GNA14: variants seen among roughly 807,000 people sequenced by gnomAD.
GNA14 encodes the protein G protein subunit alpha 14, also known as guanine nucleotide-binding protein subunit alpha-14.
A neutral mutation model predicts 42.0 loss-of-function variants in GNA14; 50 were observed. The ratio of observed to expected loss-of-function variants is 1.19; its 90% CI spans 0.95 to 1.51. GNA14 has a LOEUF of 1.51. Among genes scored for constraint, GNA14 ranks in the 40% most tolerant of loss-of-function variants. The pLI is 0.00. For missense variants in GNA14, 473 were observed against 446.2 expected (o/e 1.06, Z -0.54); for synonymous variants, 173 against 163.1 (o/e 1.06, Z -0.46).
At chr9:77,545,863 A>C (rs1411291307) in intron 1 of GNA14, among the ~76,000 whole-genome samples, 2 of 152,298 alleles carry the variant, frequency 1.3e-5, no homozygotes, top group South Asian at 2.1e-4. Flanking sequence ...AGTTCCCTGC[A>C]ATCAGCAACT....
At chr9:77,511,645 C>A (rs922400099) in intron 2 of GNA14, among the ~76,000 whole-genome samples, 2 of 152,138 alleles carry the variant, frequency 1.3e-5, no homozygotes, top group African/African-American at 4.8e-5. Context: ...CAAGTGGGCA[C>A]AGACCACACG....
At chr9:77,581,573 G>C (rs976959809) in intron 1 of GNA14, among the ~76,000 whole-genome samples, 3 of 152,204 alleles carry the variant, frequency 2.0e-5, no homozygotes, top group African/African-American at 7.2e-5. Flanking sequence ...CCGGACATAA[G>C]GGAGGTCAAC....
intron 2 of GNA14, among the ~76,000 whole-genome samples, chr9:77,510,331 T>C (rs1837140387): frequency 6.6e-6 from 1 of 152,142 alleles, no homozygotes; most frequent in Admixed American, 6.6e-5. Context: ...TATATGGACG[T>C]TGCACACTTT....
intron 1 of GNA14, among the ~76,000 whole-genome samples, chr9:77,547,931 G>C (rs1837739988): frequency 6.6e-6 from 1 of 152,174 alleles, no homozygotes; most frequent in Admixed American, 6.5e-5. Context: ...GATACCTGCG[G>C]AAATGGAGAG....
intron 1 of GNA14, among the ~76,000 whole-genome samples, chr9:77,546,401 CTT>C (rs1449891649): frequency 1.3e-5 from 2 of 152,004 alleles, no homozygotes; most frequent in Non-Finnish European, 2.9e-5. Context: ...GCCTACTCAA[CTT>C]TTTGAGTTCT....
intron 2 of GNA14, among the ~76,000 whole-genome samples, chr9:77,474,621 AT>A (rs1836387746): frequency 6.6e-6 from 1 of 152,206 alleles, no homozygotes; most frequent in African/African-American, 2.4e-5. Context: ...TAATTACTAA[AT>A]GGCCCAGCAG....
In GNA14 at chr9:77,617,542, G is replaced by A. The variant is rs2117961476; in HGVS notation, c.124+30128C>T. On this transcript the variant is annotated intron_variant, in intron 1 of 6. Coordinates refer to ENST00000341700, the MANE Select transcript of GNA14 (RefSeq NM_004297.4). ...CTGGACATTCCATAACATCTCAACTGGTCTTCCTGCCTCCACCATTACCAC... is the reference window on the plus strand; with the variant it reads ...CTGGACATTCCATAACATCTCAACTAGTCTTCCTGCCTCCACCATTACCAC... Among the ~76,000 whole-genome samples the A allele has an allele frequency of 2.0e-5, 3 of 152,110 alleles. 1 individual carries two copies. The highest frequency in any genetic ancestry group is 7.2e-5 in the African/African-American group (3 of 41,522).
At chr9:77,596,167 C>A (rs1010501646) in intron 1 of GNA14, among the ~76,000 whole-genome samples, 4 of 151,992 alleles carry the variant, frequency 2.6e-5, no homozygotes, top group Non-Finnish European at 4.4e-5. Context: ...GCCAGTTACA[C>A]CTAAGCTCAT....
chr9:77,455,124 A>G (rs1428878854), intron 2 of GNA14, among the ~76,000 whole-genome samples: 1 of 152,152 alleles, frequency 6.6e-6, no homozygotes, highest in Non-Finnish European at 1.5e-5. Context: ...GCTCTCATCC[A>G]AGCTCATTCA....
At chr9:77,526,441 C>T (rs796707954) in intron 2 of GNA14, 5 of 150,312 alleles carry the variant, frequency 3.3e-5, no homozygotes, top group African/African-American at 1.2e-4. Context: ...TAGATGCAAG[C>T]AAGATAAGGT....
chr9:77,592,329 C>A (rs144500947), intron 1 of GNA14, among the ~76,000 whole-genome samples: 2 of 152,264 alleles, frequency 1.3e-5, no homozygotes, highest in African/African-American at 4.8e-5. Context: ...CATGTGTTAA[C>A]CCTGATGGCA....
At chr9:77,563,143 T>C (rs537094713) in intron 1 of GNA14, among the ~76,000 whole-genome samples, 1 of 152,146 alleles carries the variant, frequency 6.6e-6, no homozygotes, top group East Asian at 1.9e-4. Context: ...GCACAGCAAA[T>C]GTAAACCCAG....
At chr9:77,610,672 T>G (rs1564066054) in intron 1 of GNA14, among the ~76,000 whole-genome samples, 1 of 152,198 alleles carries the variant, frequency 6.6e-6, no homozygotes. Flanking sequence ...AATAAGCCAT[T>G]TATATATTAA....
At chr9:77,589,679 C>A (rs1823360123) in intron 1 of GNA14, among the ~76,000 whole-genome samples, 1 of 152,048 alleles carries the variant, frequency 6.6e-6, no homozygotes, top group African/African-American at 2.4e-5. Flanking sequence ...GTGGGTAAAC[C>A]GCAGGTTGCC....
At chr9:77,547,783 T>C (rs1299669610) in intron 1 of GNA14, among the ~76,000 whole-genome samples, 2 of 152,178 alleles carry the variant, frequency 1.3e-5, no homozygotes, top group Non-Finnish European at 2.9e-5. Context: ...AATTAATAAA[T>C]AAATAAGTAT....
At chr9:77,446,616 G>A (rs938109386) in intron 2 of GNA14, among the ~76,000 whole-genome samples, 1 of 152,166 alleles carries the variant, frequency 6.6e-6, no homozygotes, top group African/African-American at 2.4e-5. Flanking sequence ...TCTCAGGTGA[G>A]GGAGAGTGAA....
At chr9:77,600,087 ATAAAT>A (rs759221577) in intron 1 of GNA14, among the ~76,000 whole-genome samples, 5 of 152,234 alleles carry the variant, frequency 3.3e-5, no homozygotes, top group Admixed American at 6.5e-5. Flanking sequence ...GTCAACTAAA[ATAAAT>A]TAATAATAAT....
chr9:77,644,437 C>CCAAAAAAAAAAAAAAAAAA lies in GNA14; in HGVS notation c.124+3232_124+3233insTTTTTTTTTTTTTTTTTTG, dbSNP rs778013639. On this transcript the variant is annotated intron_variant, in intron 1 of 6. Transcript: ENST00000341700. ...TACTGAACTCCAACCTAAAGAGTGT[C>CCAAAAAAAAAAAAAAAAAA]AAAAAAAAAAAAAAAAAAAAAAAAA... Among the ~76,000 whole-genome samples, 74 of 34,014 alleles carry CCAAAAAAAAAAAAAAAAAA rather than the reference C, an allele frequency of 2.2e-3. 3 individuals are homozygous for CCAAAAAAAAAAAAAAAAAA. The highest frequency in any genetic ancestry group is 7.3e-3 in the African/African-American group (63 of 8,572). 22.3% of individuals were successfully genotyped at this position (34,014 alleles called of 152,430 possible).
chr9:77,520,197 C>T (rs75134908), intron 2 of GNA14, among the ~76,000 whole-genome samples: 1 of 152,084 alleles, frequency 6.6e-6, no homozygotes, highest in Non-Finnish European at 1.5e-5. Context: ...AGCAAATCGG[C>T]CCCTGAATTC....
Sources: allele counts gnomAD v4.1 joint callset (sites outside exome capture counted in the v4.1 genomes callset), GRCh38; gene constraint gnomAD v4.1.1; transcripts MANE v1.5; gene names NCBI Gene and HGNC (gene_info 2026-07-23, HGNC 2026-07-21).